MTRFR: variants seen among roughly 807,000 people sequenced by gnomAD.
MTRFR encodes the protein probable peptide chain release factor C12orf65, mitochondrial.
A neutral mutation model predicts 11.9 loss-of-function variants in MTRFR; 10 were observed. The ratio of observed to expected loss-of-function variants is 0.84; its 90% CI spans 0.52 to 1.42. The LOEUF (loss-of-function observed/expected upper bound fraction) is 1.42, where lower values mean the gene tolerates loss of function less well. Ranked by LOEUF, MTRFR falls within the 40% of genes most tolerant of loss-of-function variation. The probability of loss-of-function intolerance (pLI) is 0.00; values close to 1 mark genes in which losing one functional copy is unlikely to be tolerated. For missense variants in MTRFR, 196 were observed against 197.9 expected, an observed-to-expected ratio of 0.99 and a Z score of 0.06; for synonymous variants, 77 against 79.1, an observed-to-expected ratio of 0.97 and a Z score of 0.14.
At chr12:123,241,333 G>T (rs1301135856) in intron 1 of MTRFR, among the ~76,000 whole-genome samples, 5 of 151,502 alleles carry the variant, frequency 3.3e-5, no homozygotes, top group African/African-American at 7.3e-5. Context: ...ACTGTTTTTT[G>T]TTGTTGTTGT....
intron 1 of MTRFR, among the ~76,000 whole-genome samples, chr12:123,242,740 A>G (rs2047960864): frequency 6.6e-6 from 1 of 152,222 alleles, no homozygotes; most frequent in Non-Finnish European, 1.5e-5. Flanking sequence ...GACTGGTGAC[A>G]AAGCAGCTGA....
chr12:123,239,471 C>G (rs1403331302), intron 1 of MTRFR, among the ~76,000 whole-genome samples: 1 of 152,014 alleles, frequency 6.6e-6, no homozygotes, highest in South Asian at 2.1e-4. Flanking sequence ...GGCGCAATCT[C>G]GGCTCACCGC....
chr12:123,253,557 T>C, intron 1 of MTRFR, 90 bp from the exon 2 acceptor site: 2 of 1,293,006 alleles, frequency 1.5e-6, no homozygotes, highest in Non-Finnish European at 2.2e-6. Context: ...ATCATTTGAA[T>C]TGCTTTATAA....
At chr12:123,254,866 C>G (rs1429749445) in intron 2 of MTRFR, 1 of 151,636 alleles carries the variant, frequency 6.6e-6, no homozygotes, top group Non-Finnish European at 1.5e-5. Context: ...ACCCTGGAGG[C>G]AGACATTGCA....
intron 2 of MTRFR, 96 bp downstream of exon 2, chr12:123,254,052 G>A: frequency 1.4e-6 from 2 of 1,481,166 alleles, no homozygotes; most frequent in Admixed American, 2.0e-5. Context: ...CAGCCGAAGT[G>A]CATTATTTTT....
chr12:123,256,732 G>A, intron 2 of MTRFR, 81 bp from the exon 3 acceptor site: 1 of 1,087,664 alleles, frequency 9.2e-7, no homozygotes, highest in Non-Finnish European at 1.4e-6. Flanking sequence ...AAAGCGAACA[G>A]GTTGAATTTA....
rs71085872 is a variant in MTRFR at position 123,253,070 on chromosome 12, A to ATTTTTTTTTTTTTTTTTTTT, written c.-28-559_-28-540dup. ...ATCAAATTACAGTCCGTTCCTTTGAATTTTTTTTTTTTTTTTTTTTTTTTT... is the reference window on the plus strand; with the variant it reads ...ATCAAATTACAGTCCGTTCCTTTGAATTTTTTTTTTTTTTTTTTTTTTTTTTTTTTTTTTTTTTTTTTTTT... On this transcript the variant is annotated intron_variant, in intron 1 of 2. Coordinates refer to ENST00000253233, the MANE Select transcript of MTRFR (RefSeq NM_152269.5). 5.7e-5 allele frequency among the ~76,000 whole-genome samples: 2 copies of ATTTTTTTTTTTTTTTTTTTT among 34,844 alleles called. 1 individual carries two copies. The highest frequency in any genetic ancestry group is 2.1e-4 in the African/African-American group (2 of 9,364). 22.9% of individuals were successfully genotyped at this position (34,844 alleles called of 152,430 possible). A position where few individuals can be genotyped will look rare whatever the true frequency, so the allele number is the denominator to read the frequency against.
intron 1 of MTRFR, chr12:123,250,166 G>A (rs2048096351): frequency 6.6e-6 from 1 of 152,108 alleles, no homozygotes; most frequent in East Asian, 1.9e-4. Flanking sequence ...GAATTCTATT[G>A]CTGAGACTTT....
At chr12:123,241,280 T>C (rs11057204) in intron 1 of MTRFR, among the ~76,000 whole-genome samples, 97,007 of 151,746 alleles carry the variant, frequency 0.64, 35,443 homozygotes, top group East Asian at 1. Context: ...GTGTGAGCCA[T>C]CACACCCAGC....
At chr12:123,253,532 G>A (rs563147634) in intron 1 of MTRFR, 115 bp from the exon 2 acceptor site, 116 of 1,005,856 alleles carry the variant, frequency 1.2e-4, no homozygotes, top group African/African-American at 8.0e-4. Context: ...AAATTCCCTC[G>A]GTAACAGATG....
intron 1 of MTRFR, among the ~76,000 whole-genome samples, chr12:123,241,465 A>G (rs944967945): frequency 2.6e-5 from 4 of 151,992 alleles, no homozygotes; most frequent in African/African-American, 9.7e-5. Flanking sequence ...AGTCCTCCCA[A>G]GTAGCTGGGA....
Position 123,257,188 on chromosome 12 carries a change from T to C in MTRFR, c.*157T>C, listed in dbSNP as rs1482886289. 1.5e-6 allele frequency: 1 copy of C among 688,914 alleles called. No individual in the cohort carries two copies. The highest frequency in any genetic ancestry group is 1.8e-5 in the African/African-American group (1 of 55,464). 42.7% of individuals were successfully genotyped at this position (688,914 alleles called of 1,614,324 possible). A position where few individuals can be genotyped will look rare whatever the true frequency, so the allele number is the denominator to read the frequency against. On this transcript the variant is annotated 3_prime_UTR_variant, in exon 3 of 3. Coordinates refer to ENST00000253233, the MANE Select transcript of MTRFR (RefSeq NM_152269.5). ...TTTATTTAAATGGTGCACTAAACTG[T>C]AGTGAACAGAGACATGCACGATTCA...
intron 1 of MTRFR, chr12:123,244,155 G>T (rs12817892): frequency 6.6e-6 from 1 of 152,184 alleles, no homozygotes; most frequent in Non-Finnish European, 1.5e-5. Context: ...CACAGGCCGG[G>T]CGCGGTGTGG....
chr12:123,253,571 G>C (rs915124847), intron 1 of MTRFR, 76 bp from the exon 2 acceptor site: 1 of 1,420,412 alleles, frequency 7.0e-7, no homozygotes, highest in African/African-American at 1.4e-5. Context: ...TTTATAAAAA[G>C]CTGTCTTTGA....
At chr12:123,239,483 A>C (rs1038595432) in intron 1 of MTRFR, among the ~76,000 whole-genome samples, 1 of 151,846 alleles carries the variant, frequency 6.6e-6, no homozygotes, top group African/African-American at 2.4e-5. Flanking sequence ...GCTCACCGCA[A>C]TCTCCACCTC....
chr12:123,257,052 A>G lies in MTRFR; in HGVS notation c.*21A>G. The G allele has an allele frequency of 1.3e-6, 2 of 1,579,654 alleles. No homozygotes were observed. The highest frequency in any genetic ancestry group is 1.7e-6 in the Non-Finnish European group (2 of 1,150,654). ...ACTGAGAAAAGAATTAGAGATTCCA[A>G]CTGACAGAATCTGCCAGAAGCTCCC... is the stretch of plus-strand genomic sequence containing the variant. On this transcript the variant is annotated 3_prime_UTR_variant, in exon 3 of 3. Coordinates refer to ENST00000253233, the MANE Select transcript of MTRFR (RefSeq NM_152269.5).
chr12:123,247,066 T>C (rs1037900648), intron 1 of MTRFR, among the ~76,000 whole-genome samples: 1 of 152,164 alleles, frequency 6.6e-6, no homozygotes, highest in Non-Finnish European at 1.5e-5. Context: ...GCTCATTTTA[T>C]GGCCTGTCAT....
chr12:123,254,913 C>G (rs2048166755), intron 2 of MTRFR: 1 of 150,444 alleles, frequency 6.6e-6, no homozygotes, highest in Non-Finnish European at 1.5e-5. Flanking sequence ...CCAGCCTGGG[C>G]AACAGACAAG....
At chr12:123,241,528 C>T (rs1306632206) in intron 1 of MTRFR, among the ~76,000 whole-genome samples, 1 of 151,770 alleles carries the variant, frequency 6.6e-6, no homozygotes, top group African/African-American at 2.4e-5. Flanking sequence ...TTAGTAGAGA[C>T]GGGGTTTCAC....
Sources: allele counts gnomAD v4.1 joint callset (sites outside exome capture counted in the v4.1 genomes callset), GRCh38; gene constraint gnomAD v4.1.1; transcripts MANE v1.5; gene names NCBI Gene and HGNC (gene_info 2026-07-23, HGNC 2026-07-21).